AGTR1: variants seen among roughly 807,000 people sequenced by gnomAD.
AGTR1 encodes type-1 angiotensin II receptor.
Under a neutral mutation model 19.4 loss-of-function variants are expected in AGTR1, and 16 were observed. The observed-to-expected ratio is 0.82, with a 90% CI of 0.56 to 1.25. The LOEUF is 1.25. Among genes scored for constraint, AGTR1 ranks in the 50% most tolerant of loss-of-function variants. The pLI is 0.00. For synonymous variants in AGTR1, 153 were observed against 154.9 expected (o/e 0.99, Z 0.09); for missense variants, 373 against 431.9 (o/e 0.86, Z 1.21).
At chr3:148,698,713 C>T (rs1474682112) in intron 1 of AGTR1, among the ~76,000 whole-genome samples, 6 of 152,162 alleles carry the variant, frequency 3.9e-5, no homozygotes, top group Non-Finnish European at 5.9e-5. Flanking sequence ...TCCCAGATGT[C>T]CTTTGAATAA....
intron 1 of AGTR1, among the ~76,000 whole-genome samples, chr3:148,700,933 A>G (rs981040727): frequency 1.3e-5 from 2 of 152,264 alleles, no homozygotes; most frequent in Admixed American, 1.3e-4. Context: ...TTGTTAAAGC[A>G]GTATACTCAA....
At chr3:148,726,638 C>T (rs184237149) in intron 2 of AGTR1, among the ~76,000 whole-genome samples, 3 of 152,040 alleles carry the variant, frequency 2.0e-5, no homozygotes, top group Non-Finnish European at 2.9e-5. Flanking sequence ...TGAGTGTTTC[C>T]GTCCGTTTTT....
At chr3:148,739,548 G>A (rs1359647754) in intron 2 of AGTR1, among the ~76,000 whole-genome samples, 3 of 152,056 alleles carry the variant, frequency 2.0e-5, no homozygotes, top group Non-Finnish European at 4.4e-5. Flanking sequence ...ACAATAATGA[G>A]GACATGCAAC....
At chr3:148,705,623 A>G (rs1037699357) in intron 1 of AGTR1, among the ~76,000 whole-genome samples, 2 of 152,126 alleles carry the variant, frequency 1.3e-5, no homozygotes, top group Admixed American at 1.3e-4. Flanking sequence ...TTTTGAGAGA[A>G]CACACAGTTA....
intron 2 of AGTR1, among the ~76,000 whole-genome samples, chr3:148,715,958 A>G (rs1367855843): frequency 1.3e-5 from 2 of 152,156 alleles, no homozygotes; most frequent in Non-Finnish European, 2.9e-5. Flanking sequence ...AACAACTAGT[A>G]CCCTGATGGA....
intron 2 of AGTR1, among the ~76,000 whole-genome samples, chr3:148,709,716 C>T (rs1015154838): frequency 6.6e-6 from 1 of 152,144 alleles, no homozygotes; most frequent in Admixed American, 6.6e-5. Context: ...AAAGGACCTT[C>T]TGAACTTTGC....
intron 2 of AGTR1, among the ~76,000 whole-genome samples, chr3:148,733,362 C>T (rs891834021): frequency 7.2e-5 from 11 of 152,144 alleles, no homozygotes; most frequent in Admixed American, 3.9e-4. Context: ...CAACATAATA[C>T]TCATAATGCA....
rs12721275 is a variant in AGTR1, at chr3:148,742,599, C to T, written c.*484C>T. 8.3e-4 allele frequency: 210 copies of T among 251,722 alleles called. 1 individual carries two copies. The highest frequency in any genetic ancestry group is 4.3e-3 in the African/African-American group (185 of 42,998). The allele number at this position is 251,722 out of a possible 1,614,324, so 15.6% of individuals were successfully genotyped here. A position where few individuals can be genotyped will look rare whatever the true frequency, so the allele number is the denominator to read the frequency against. On this transcript the variant is annotated 3_prime_UTR_variant, in exon 3 of 3. Transcript: ENST00000349243. ...TGCTACACTTGCACCTGGTACTGCA[C>T]ATTTTGTACAAAGATATGCTAAGCA...
At chr3:148,703,764 C>T (rs753454970) in intron 1 of AGTR1, among the ~76,000 whole-genome samples, 17 of 152,116 alleles carry the variant, frequency 1.1e-4, no homozygotes, top group Non-Finnish European at 2.4e-4. Context: ...TTAAGGCCAA[C>T]TAATTATTTG....
chr3:148,741,792 T>A lies in AGTR1; in HGVS notation c.757T>A (p.Trp253Arg). 6.2e-7 allele frequency: 1 copy of A among 1,613,368 alleles called. No homozygotes were observed. The highest frequency in any genetic ancestry group is 8.5e-7 in the Non-Finnish European group (1 of 1,179,980). Residue 253 changes from tryptophan to arginine, a missense_variant, in exon 3 of 3, where the codon TGG (tryptophan) becomes AGG (arginine). Physicochemically the swap from Trp to Arg is moderately radical, Grantham distance 101. Coordinates refer to ENST00000349243, the MANE Select transcript of AGTR1 (RefSeq NM_000685.5). ...MAIVLFFFFS[W>R]IPHQIFTFLD... Reference sequence around the variant, plus strand: ...AATTGTGCTTTTCTTTTTCTTTTCCTGGATTCCCCACCAAATATTCACTTT... The same window carrying A: ...AATTGTGCTTTTCTTTTTCTTTTCCAGGATTCCCCACCAAATATTCACTTT...
chr3:148,723,967 C>T (rs1713788857), intron 2 of AGTR1, among the ~76,000 whole-genome samples: 1 of 152,086 alleles, frequency 6.6e-6, no homozygotes, highest in African/African-American at 2.4e-5. Context: ...AGATGGTTGG[C>T]CTGGATCCTA....
intron 1 of AGTR1, among the ~76,000 whole-genome samples, chr3:148,699,086 T>TC (rs929243710): frequency 2.0e-5 from 3 of 151,656 alleles, no homozygotes; most frequent in Admixed American, 6.6e-5. Context: ...AAAAACCTAC[T>TC]CCCCCCCTTC....
chr3:148,742,278 C>G lies in AGTR1; in HGVS notation c.*163C>G. On this transcript the variant is annotated 3_prime_UTR_variant, in exon 3 of 3. Coordinates refer to ENST00000349243, the MANE Select transcript of AGTR1 (RefSeq NM_000685.5). ...ACTTTTCTAAAGCTCTGAACAAAAG[C>G]TTTTCTTTCCTTTTGCAACAAGACA... The G allele has an allele frequency of 9.9e-7, 1 of 1,007,200 alleles. No homozygotes were observed. The highest frequency in any genetic ancestry group is 1.6e-6 in the Non-Finnish European group (1 of 634,050). 62.4% of individuals were successfully genotyped at this position (1,007,200 alleles called of 1,614,324 possible). A position where few individuals can be genotyped will look rare whatever the true frequency, so the allele number is the denominator to read the frequency against.
chr3:148,707,378 G>A (rs1229642202), intron 1 of AGTR1, among the ~76,000 whole-genome samples: 1 of 151,970 alleles, frequency 6.6e-6, no homozygotes. Context: ...AGTAATAGAG[G>A]GTAAGGATAT....
chr3:148,702,152 A>T (rs1712385588), intron 1 of AGTR1, among the ~76,000 whole-genome samples: 1 of 151,752 alleles, frequency 6.6e-6, no homozygotes, highest in Non-Finnish European at 1.5e-5. Context: ...TAATTTTTGT[A>T]TTTTTAGTAG....
chr3:148,706,042 T>C (rs1381340168), intron 1 of AGTR1, among the ~76,000 whole-genome samples: 2 of 152,026 alleles, frequency 1.3e-5, no homozygotes, highest in Admixed American at 1.3e-4. Flanking sequence ...CTTTCTTTTG[T>C]ATGTACCTAC....
At chr3:148,711,937 A>G (rs1713008556) in intron 2 of AGTR1, among the ~76,000 whole-genome samples, 1 of 152,036 alleles carries the variant, frequency 6.6e-6, no homozygotes, top group Admixed American at 6.6e-5. Flanking sequence ...TTTTTTGTAG[A>G]GATGTCGTCT....
At chr3:148,699,395 C>T (rs1302324494) in intron 1 of AGTR1, among the ~76,000 whole-genome samples, 1 of 152,102 alleles carries the variant, frequency 6.6e-6, no homozygotes. Flanking sequence ...TGCCATACTT[C>T]CCTTGTCTTC....
chr3:148,711,452 A>G (rs1712978914), intron 2 of AGTR1, among the ~76,000 whole-genome samples: 2 of 152,240 alleles, frequency 1.3e-5, no homozygotes, highest in African/African-American at 4.8e-5. Flanking sequence ...CAATGAAAGC[A>G]TAAATAAAAT....
Sources: allele counts gnomAD v4.1 joint callset (sites outside exome capture counted in the v4.1 genomes callset), GRCh38; gene constraint gnomAD v4.1.1; transcripts MANE v1.5; gene names NCBI Gene and HGNC (gene_info 2026-07-23, HGNC 2026-07-21).